Variants in KIAA0232 observed in about 807,000 individuals in gnomAD.
KIAA0232 encodes the protein uncharacterized protein KIAA0232.
In KIAA0232, 27 loss-of-function variants were observed where a neutral mutation model predicts 122.0. The ratio of observed to expected loss-of-function variants is 0.22; its 90% CI spans 0.16 to 0.31. The LOEUF (loss-of-function observed/expected upper bound fraction) is 0.31, where lower values mean the gene tolerates loss of function less well. Ranked by LOEUF, KIAA0232 falls within the 10% of genes least tolerant of loss-of-function variation. The pLI is 1.00. For missense variants in KIAA0232, 1,551 were observed against 1,634.2 expected, an observed-to-expected ratio of 0.95 and a Z score of 0.88; for synonymous variants, 613 against 587.6, an observed-to-expected ratio of 1.04 and a Z score of -0.63.
chr4:6,805,516 A>G (rs1253258255), intron 2 of KIAA0232, among the ~76,000 whole-genome samples: 1 of 152,180 alleles, frequency 6.6e-6, no homozygotes, highest in African/African-American at 2.4e-5. Flanking sequence ...AGTAATTTTA[A>G]AAATGTTAAC....
chr4:6,848,409 T>A (rs1720090417), intron 4 of KIAA0232, among the ~76,000 whole-genome samples: 1 of 152,168 alleles, frequency 6.6e-6, no homozygotes, highest in African/African-American at 2.4e-5. Context: ...CAAAAATATT[T>A]GGAAAAAAAT....
chr4:6,848,666 G>A (rs1015467816), intron 4 of KIAA0232, among the ~76,000 whole-genome samples: 4 of 152,202 alleles, frequency 2.6e-5, no homozygotes, highest in Non-Finnish European at 4.4e-5. Flanking sequence ...CCAATATAGG[G>A]ATGACTATAT....
chr4:6,852,417 C>G (rs551890150), intron 4 of KIAA0232, among the ~76,000 whole-genome samples: 9 of 152,082 alleles, frequency 5.9e-5, no homozygotes, highest in Non-Finnish European at 1.5e-5. Flanking sequence ...TTTAAAACTT[C>G]CAGTCATTAA....
chr4:6,845,328 GT>G (rs1719893083), intron 4 of KIAA0232, among the ~76,000 whole-genome samples: 1 of 152,160 alleles, frequency 6.6e-6, no homozygotes, highest in African/African-American at 2.4e-5. Flanking sequence ...AGAAAACTTT[GT>G]GGTTAAAATG....
At chr4:6,832,262 T>A (rs1364222939) in intron 3 of KIAA0232, among the ~76,000 whole-genome samples, 1 of 152,218 alleles carries the variant, frequency 6.6e-6, no homozygotes, top group East Asian at 1.9e-4. Context: ...TTTTTCTTCA[T>A]GACATTTTTT....
Position 6,824,523 on chromosome 4 carries a change from CCT to C in KIAA0232, c.71_72del (p.Pro24ArgfsTer5). The C allele has an allele frequency of 6.2e-7, 1 of 1,614,118 alleles. No individual in the cohort carries two copies. Among genetic ancestry groups the C allele is most frequent in the Non-Finnish European group, 8.5e-7 (1 of 1,180,022 alleles). Reference protein sequence around the residue: ...SESSSSSYPGPVSVSEMSLLH... With the variant: ...SESSSSSYPGXVSVSEMSLLH... ...AAGCTCCTCAAGTTCTTATCCAGGC[CCT>C]GTGTCTGTTTCTGAAATGTCTCTGC... On this transcript the variant is annotated frameshift_variant, in exon 3 of 10. Transcript: ENST00000307659. LOFTEE classifies it high-confidence loss of function.
chr4:6,820,461 C>T (rs146961700), intron 2 of KIAA0232, among the ~76,000 whole-genome samples: 1 of 152,228 alleles, frequency 6.6e-6, no homozygotes, highest in East Asian at 1.9e-4. Flanking sequence ...TTCAGTGTAT[C>T]TCTGCCTTTT....
At position 6,861,011 on chromosome 4, in the gene KIAA0232, C is replaced by T; in HGVS notation, c.629C>T (p.Ser210Phe). The T allele has an allele frequency of 1.2e-6, 2 of 1,614,184 alleles. No individual in the cohort carries two copies. Among genetic ancestry groups the T allele is most frequent in the South Asian group, 2.2e-5 (2 of 91,088 alleles). ...VCSYSSSSSS[S>F]TAPPASTDTS... is the part of the protein sequence containing the mutation. ...TCTTACTCTAGCTCTTCTTCATCATCCACAGCCCCACCAGCTAGCACAGAT... is the reference window on the plus strand; with the variant it reads ...TCTTACTCTAGCTCTTCTTCATCATTCACAGCCCCACCAGCTAGCACAGAT... The change falls in exon 7 of 10, where the codon TCC becomes TTC. Residue 210 changes from serine (S) to phenylalanine (F), a missense_variant. Ser to Phe is a radical substitution (Grantham distance 155, BLOSUM62 -2). Around this residue, in one of 5 missense-constraint regions of KIAA0232, gnomAD observed 377 missense variants for 381.7 expected, o/e 0.99. Transcript: ENST00000307659.
chr4:6,787,177 CAAAAAAAAA>C (rs34617834), intron 1 of KIAA0232, among the ~76,000 whole-genome samples: 12 of 81,442 alleles, frequency 1.5e-4, no homozygotes, highest in Admixed American at 2.9e-4. Context: ...AAGGCTCTCT[CAAAAAAAAA>C]AAAAAAAAAA....
intron 9 of KIAA0232, 47 bp from the exon 10 acceptor site, chr4:6,880,740 G>T: frequency 7.4e-7 from 1 of 1,344,984 alleles, no homozygotes; most frequent in South Asian, 1.7e-5. Flanking sequence ...CACCCTTTTG[G>T]GGAAAAAAAA....
intron 7 of KIAA0232, among the ~76,000 whole-genome samples, chr4:6,868,675 C>G (rs1274420754): frequency 6.6e-6 from 1 of 152,180 alleles, no homozygotes; most frequent in African/African-American, 2.4e-5. Context: ...CCTCCATTGT[C>G]TCTTCATTCT....
chr4:6,875,878 T>A (rs1721723637), intron 8 of KIAA0232, among the ~76,000 whole-genome samples: 2 of 152,132 alleles, frequency 1.3e-5, no homozygotes, highest in Non-Finnish European at 2.9e-5. Context: ...AGACCAGCAG[T>A]TCTCAGTGCA....
At chr4:6,789,018 T>C (rs1716758954) in intron 1 of KIAA0232, among the ~76,000 whole-genome samples, 1 of 152,142 alleles carries the variant, frequency 6.6e-6, no homozygotes. Flanking sequence ...TCGCCCAGGC[T>C]CGAGTGCAGT....
chr4:6,830,382 T>C (rs1290432271), intron 3 of KIAA0232, among the ~76,000 whole-genome samples: 1 of 151,660 alleles, frequency 6.6e-6, no homozygotes, highest in South Asian at 2.1e-4. Flanking sequence ...GCCCCGTCTT[T>C]TAGCTTGCCT....
chr4:6,835,369 A>G (rs1159313296), intron 3 of KIAA0232, among the ~76,000 whole-genome samples: 1 of 152,196 alleles, frequency 6.6e-6, no homozygotes, highest in Non-Finnish European at 1.5e-5. Context: ...TGGTAGAACC[A>G]CCACTCTGTC....
intron 4 of KIAA0232, 24 bp downstream of exon 4, chr4:6,842,228 CACTT>C: frequency 6.4e-7 from 1 of 1,567,282 alleles, no homozygotes; most frequent in Non-Finnish European, 8.6e-7. Flanking sequence ...TTGTTTCTAA[CACTT>C]AAGAGAATAA....
At chr4:6,785,206 G>A (rs1004217477) in intron 1 of KIAA0232, among the ~76,000 whole-genome samples, 6 of 152,126 alleles carry the variant, frequency 3.9e-5, no homozygotes, top group Admixed American at 1.3e-4. Context: ...CAAAGTGCTG[G>A]GATTACAGGC....
intron 4 of KIAA0232, among the ~76,000 whole-genome samples, chr4:6,846,640 G>A (rs1037760513): frequency 1.3e-5 from 2 of 151,862 alleles, no homozygotes; most frequent in African/African-American, 2.4e-5. Context: ...CCAGCTCACT[G>A]GCCTCTTGGG....
At chr4:6,848,142 TAG>T (rs1171063670) in intron 4 of KIAA0232, among the ~76,000 whole-genome samples, 1 of 152,144 alleles carries the variant, frequency 6.6e-6, no homozygotes, top group Non-Finnish European at 1.5e-5. Flanking sequence ...CTAAGTAGAG[TAG>T]AGTCTTAACA....
Sources: gnomAD v4.1 joint callset for allele counts (sites outside exome capture counted in the v4.1 genomes callset) on GRCh38, gnomAD v4.1.1 for gene constraint, gnomAD v4.1.1 regional missense constraint, MANE v1.5 for transcripts, NCBI Gene and HGNC (gene_info 2026-07-23, HGNC 2026-07-21) for gene names.